MACROD2: variants seen among roughly 807,000 people sequenced by gnomAD.
MACROD2 encodes the protein mono-ADP ribosylhydrolase 2.
MACROD2 carries 36 observed loss-of-function variants against 70.4 expected under a neutral mutation model. The observed-to-expected ratio is 0.51, with a 90% CI of 0.39 to 0.68. MACROD2 has a LOEUF of 0.68. Ranked by LOEUF, MACROD2 falls within the 30% of genes least tolerant of loss-of-function variation. The pLI is 0.00. For synonymous variants in MACROD2, 172 were observed against 178.8 expected, an observed-to-expected ratio of 0.96 and a Z score of 0.30; for missense variants, 496 against 538.4, an observed-to-expected ratio of 0.92 and a Z score of 0.78.
chr20:14,782,931 G>A (rs1600658874), intron 5 of MACROD2, among the ~76,000 whole-genome samples: 2 of 152,262 alleles, frequency 1.3e-5, no homozygotes, highest in East Asian at 1.9e-4. Flanking sequence ...AGGCACAGCA[G>A]TGCATACACA....
chr20:15,573,718 C>A (rs187295087), intron 8 of MACROD2, among the ~76,000 whole-genome samples: 1 of 152,046 alleles, frequency 6.6e-6, no homozygotes, highest in Non-Finnish European at 1.5e-5. Context: ...TGAGCCTCCC[C>A]CTTCTGAATC....
intron 4 of MACROD2, among the ~76,000 whole-genome samples, chr20:14,595,864 A>G (rs1028257573): frequency 6.6e-6 from 1 of 152,174 alleles, no homozygotes; most frequent in Non-Finnish European, 1.5e-5. Context: ...ATTGAATTCT[A>G]TACAAAACAT....
At chr20:15,444,390 G>A (rs139468170) in intron 7 of MACROD2, among the ~76,000 whole-genome samples, 25 of 152,168 alleles carry the variant, frequency 1.6e-4, no homozygotes, top group African/African-American at 5.3e-4. Context: ...CTAAATATAC[G>A]CACTATAAAT....
intron 4 of MACROD2, among the ~76,000 whole-genome samples, chr20:14,555,993 T>C (rs1979007435): frequency 6.6e-6 from 1 of 152,032 alleles, no homozygotes; most frequent in African/African-American, 2.4e-5. Flanking sequence ...TTTAACTAAT[T>C]GAAGTGACTT....
intron 5 of MACROD2, among the ~76,000 whole-genome samples, chr20:14,981,591 T>A (rs1450297669): frequency 6.6e-6 from 1 of 151,968 alleles, no homozygotes; most frequent in Non-Finnish European, 1.5e-5. Flanking sequence ...GGGCAGATCT[T>A]TCCTGTGTTG....
chr20:15,096,417 T>C (rs923137052), intron 5 of MACROD2, among the ~76,000 whole-genome samples: 14 of 150,526 alleles, frequency 9.3e-5, no homozygotes, highest in Non-Finnish European at 1.5e-4. Context: ...TGTAATTATT[T>C]TAAAATATTA....
intron 3 of MACROD2, among the ~76,000 whole-genome samples, chr20:14,403,052 A>G (rs907999708): frequency 1.3e-5 from 2 of 152,152 alleles, no homozygotes; most frequent in Admixed American, 1.3e-4. Context: ...CTTATTTAAA[A>G]CTCACAAGAT....
At chr20:15,243,642 A>G (rs965167731) in intron 6 of MACROD2, among the ~76,000 whole-genome samples, 5 of 152,226 alleles carry the variant, frequency 3.3e-5, no homozygotes, top group Admixed American at 6.5e-5. Context: ...CTGGCCGGGC[A>G]CGGTGGCTCA....
intron 3 of MACROD2, among the ~76,000 whole-genome samples, chr20:14,422,052 C>T (rs1230569788): frequency 2.6e-5 from 4 of 152,054 alleles, no homozygotes; most frequent in Non-Finnish European, 4.4e-5. Context: ...TCCTTCAATT[C>T]TAGGAATGTT....
chr20:15,813,031 T>TC (rs2063836399), intron 8 of MACROD2, among the ~76,000 whole-genome samples: 1 of 152,122 alleles, frequency 6.6e-6, no homozygotes, highest in Admixed American at 6.5e-5. Flanking sequence ...TAGGGCTGAT[T>TC]CCCCCCTTAT....
intron 5 of MACROD2, among the ~76,000 whole-genome samples, chr20:14,790,266 T>TA (rs149498740): frequency 0.22 from 33,252 of 149,768 alleles, 3,906 homozygotes; most frequent in East Asian, 0.35. Flanking sequence ...TTGGTTCATT[T>TA]AAAAAAAAAA....
At chr20:14,838,195 A>G (rs1004518302) in intron 5 of MACROD2, among the ~76,000 whole-genome samples, 1 of 152,108 alleles carries the variant, frequency 6.6e-6, no homozygotes, top group Admixed American at 6.5e-5. Flanking sequence ...TTTGTCAGGA[A>G]CCATTAAATT....
chr20:14,482,450 C>T (rs2084673713), intron 3 of MACROD2, among the ~76,000 whole-genome samples: 1 of 150,312 alleles, frequency 6.7e-6, no homozygotes, highest in Non-Finnish European at 1.5e-5. Flanking sequence ...ATTACTTACA[C>T]TTTATTCCTT....
intron 8 of MACROD2, among the ~76,000 whole-genome samples, chr20:15,837,986 T>C (rs898307687): frequency 6.6e-6 from 1 of 152,150 alleles, no homozygotes; most frequent in African/African-American, 2.4e-5. Context: ...TGAGTTTTTG[T>C]AGCACTAAGT....
chr20:14,502,265 C>CT (rs2084922775), intron 4 of MACROD2, among the ~76,000 whole-genome samples: 1 of 152,134 alleles, frequency 6.6e-6, no homozygotes, highest in East Asian at 1.9e-4. Context: ...CTTTTATAAT[C>CT]TTTTTTGTTT....
intron 6 of MACROD2, among the ~76,000 whole-genome samples, chr20:15,363,459 T>C (rs896218476): frequency 6.6e-6 from 1 of 152,250 alleles, no homozygotes; most frequent in Non-Finnish European, 1.5e-5. Context: ...ATTGCTTTTA[T>C]AGAAAGATGC....
At chr20:14,754,139 A>G (rs189636602) in intron 5 of MACROD2, among the ~76,000 whole-genome samples, 77 of 152,254 alleles carry the variant, frequency 5.1e-4, no homozygotes, top group Admixed American at 1.4e-3. Context: ...TCTAGTTACC[A>G]TGTTGTATGC....
chr20:15,999,402 C>G (rs866532836), intron 15 of MACROD2, among the ~76,000 whole-genome samples: 2 of 152,132 alleles, frequency 1.3e-5, no homozygotes, highest in Non-Finnish European at 2.9e-5. Context: ...AACATATGAT[C>G]TATCCTAGGG....
At chr20:14,361,694 C>T (rs1051886525) in intron 3 of MACROD2, among the ~76,000 whole-genome samples, 2 of 152,058 alleles carry the variant, frequency 1.3e-5, no homozygotes, top group East Asian at 3.9e-4. Context: ...ATACTGTTCT[C>T]AGATCATTTT....
Sources: allele counts gnomAD v4.1 joint callset (sites outside exome capture counted in the v4.1 genomes callset), GRCh38; gene constraint gnomAD v4.1.1; transcripts MANE v1.5; gene names NCBI Gene and HGNC (gene_info 2026-07-23, HGNC 2026-07-21).